Variants in HOXA11 observed in about 807,000 individuals in gnomAD.
The protein encoded by HOXA11 is homeobox protein Hox-A11.
In HOXA11, 8 loss-of-function variants were observed where a neutral mutation model predicts 22.5. The ratio of observed to expected loss-of-function variants is 0.36; its 90% CI spans 0.21 to 0.64. HOXA11 has a LOEUF of 0.64. Ranked by LOEUF, HOXA11 falls within the 30% of genes least tolerant of loss-of-function variation. HOXA11 has a pLI of 0.67. For synonymous variants in HOXA11, 211 were observed against 188.4 expected, an observed-to-expected ratio of 1.12 and a Z score of -0.98; for missense variants, 388 against 429.0, an observed-to-expected ratio of 0.90 and a Z score of 0.84.
rs570858753 is a variant in HOXA11 at position 27,182,198 on chromosome 7, A to T, written c.*598T>A. 4 of 244,702 alleles carry T rather than the reference A, an allele frequency of 1.6e-5. No homozygotes were observed. The East Asian group carries it at 2.3e-4, about 14-fold the overall frequency. The allele number at this position is 244,702 out of a possible 1,614,324, so 15.2% of individuals were successfully genotyped here. A position where few individuals can be genotyped will look rare whatever the true frequency, so the allele number is the denominator to read the frequency against. Reference sequence around the variant, plus strand: ...ATCAGTGTGGTGGGTGGCTAGGAGGAGTGGAAAGACACTGATGCCACCTGG... The same window carrying T: ...ATCAGTGTGGTGGGTGGCTAGGAGGTGTGGAAAGACACTGATGCCACCTGG... On this transcript the variant is annotated 3_prime_UTR_variant, in exon 2 of 2. Transcript: ENST00000006015.
Position 27,182,361 on chromosome 7 carries a change from C to T in HOXA11, c.*435G>A. The T allele has an allele frequency of 3.0e-6, 1 of 331,262 alleles. No individual in the cohort carries two copies. 20.5% of individuals were successfully genotyped at this position (331,262 alleles called of 1,614,324 possible). A position where few individuals can be genotyped will look rare whatever the true frequency, so the allele number is the denominator to read the frequency against. On this transcript the variant is annotated 3_prime_UTR_variant, in exon 2 of 2. Transcript: ENST00000006015. ...CTAGTAATCCTACCCCTTCCTCCTG[C>T]CCCTGTCCCCAAGCTGAACTGGGCT...
chr7:27,182,924 G>T lies in HOXA11; in HGVS notation c.814C>A (p.Leu272Met). 6.2e-7 allele frequency: 1 copy of T among 1,614,048 alleles called. No homozygotes were observed. Among genetic ancestry groups the T allele is most frequent in the Non-Finnish European group, 8.5e-7 (1 of 1,179,904 alleles). ...FSVYINKEKRLQLSRMLNLTD... is the reference protein window; with the variant it reads ...FSVYINKEKRMQLSRMLNLTD... ...AGGTTGAGCATGCGGGACAGTTGCA[G>T]GCGCTTCTCTTTGTTAATGTAGACG... Residue 272 changes from leucine to methionine, a missense_variant, in exon 2 of 2, where the codon CTG becomes ATG. Physicochemically the swap from Leu to Met is conservative, Grantham distance 15. Coordinates refer to ENST00000006015, the MANE Select transcript of HOXA11 (RefSeq NM_005523.6).
Position 27,184,923 on chromosome 7 carries a change from G to A in HOXA11, c.222C>T (p.His74=). 1 of 1,614,036 alleles carries A rather than the reference G, an allele frequency of 6.2e-7. No individual in the cohort carries two copies. The highest frequency in any genetic ancestry group is 1.1e-5 in the South Asian group (1 of 91,086). ...EYAIEPATKW[H]PRGNLAHCYS... The stretch of plus-strand genomic sequence containing the variant: ...AGCAGTGGGCCAGATTGCCGCGGGG[G>A]TGCCATTTAGTGGCGGGCTCAATGG... Residue 74 remains histidine (H), a synonymous_variant, in exon 1 of 2, where the codon CAC becomes CAT. Coordinates refer to ENST00000006015, the MANE Select transcript of HOXA11 (RefSeq NM_005523.6).
chr7:27,183,774 G>A (rs199988296), intron 1 of HOXA11, among the ~76,000 whole-genome samples: 598 of 65,762 alleles, frequency 9.1e-3, no homozygotes, highest in South Asian at 0.013. Context: ...AAAAAAAAAA[G>A]ACCCACAAGA....
chr7:27,183,579 T>G (rs549010852), intron 1 of HOXA11, among the ~76,000 whole-genome samples: 1 of 152,058 alleles, frequency 6.6e-6, no homozygotes, highest in Admixed American at 6.5e-5. Flanking sequence ...GCCTTCCGGC[T>G]CCGCCGAGGT....
At position 27,183,747 on chromosome 7, in the gene HOXA11, T is replaced by TAAAAAAA. The variant is rs61633228; in HGVS notation, c.709+682_709+688dup. Among the ~76,000 whole-genome samples the TAAAAAAA allele has an allele frequency of 5.7e-3, 308 of 53,566 alleles. 12 individuals are homozygous for TAAAAAAA. Among genetic ancestry groups the TAAAAAAA allele is most frequent in the African/African-American group, 8.1e-3 (113 of 13,968 alleles). 35.1% of individuals were successfully genotyped at this position (53,566 alleles called of 152,430 possible). A position where few individuals can be genotyped will look rare whatever the true frequency, so the allele number is the denominator to read the frequency against. On this transcript the variant is annotated intron_variant, in intron 1 of 1. Coordinates refer to ENST00000006015, the MANE Select transcript of HOXA11 (RefSeq NM_005523.6). ...GGGCAGGCTCTACTTGCTCCCCCTT[T>TAAAAAAA]AAAAAAAAAAAAAAAAAAAAAAAAA...
At chr7:27,183,080 AC>A in intron 1 of HOXA11, 52 bp from the exon 2 acceptor site, 1 of 1,237,544 alleles carries the variant, frequency 8.1e-7, no homozygotes, top group Non-Finnish European at 1.2e-6. Flanking sequence ...GCTGCAATCC[AC>A]CCCAGAGCCC....
chr7:27,183,153 G>C lies in HOXA11; in HGVS notation c.710-125C>G, dbSNP rs1583440532. The C allele has an allele frequency of 1.0e-5, 7 of 673,478 alleles. No individual in the cohort carries two copies. In the East Asian group the frequency reaches 1.8e-4, roughly 18 times the overall value. The allele number at this position is 673,478 out of a possible 1,614,324, so 41.7% of individuals were successfully genotyped here. A position where few individuals can be genotyped will look rare whatever the true frequency, so the allele number is the denominator to read the frequency against. Reference sequence around the variant, plus strand: ...TCCAGCCCAAGCCCCGTCAAAGTCTGCCCAGGCCCCTGCCTTTAACGCTCC... The same window carrying C: ...TCCAGCCCAAGCCCCGTCAAAGTCTCCCCAGGCCCCTGCCTTTAACGCTCC... On this transcript the variant is annotated intron_variant, in intron 1 of 1. Coordinates refer to ENST00000006015, the MANE Select transcript of HOXA11 (RefSeq NM_005523.6).
Position 27,184,419 on chromosome 7 carries a change from G to T in HOXA11, c.709+17C>A. ...ACTCCCCTTTCATAAAGCGCAGGGC[G>T]CTGCCTTTATACGTACTGGAGCCGC... is the stretch of plus-strand genomic sequence containing the variant. On this transcript the variant is annotated intron_variant, in intron 1 of 1. Transcript: ENST00000006015. 6.4e-7 allele frequency: 1 copy of T among 1,573,646 alleles called. No homozygotes were observed. Among genetic ancestry groups the T allele is most frequent in the Non-Finnish European group, 8.6e-7 (1 of 1,159,998 alleles).
In HOXA11 at chr7:27,181,428, CA is replaced by C. The variant is rs1334161191; in HGVS notation, c.*1367del. The C allele has an allele frequency of 5.9e-6, 1 of 168,550 alleles. No individual in the cohort carries two copies. The highest frequency in any genetic ancestry group is 3.0e-5 in the African/African-American group (1 of 33,734). 10.4% of individuals were successfully genotyped at this position (168,550 alleles called of 1,614,324 possible). On this transcript the variant is annotated 3_prime_UTR_variant, in exon 2 of 2. Coordinates refer to ENST00000006015, the MANE Select transcript of HOXA11 (RefSeq NM_005523.6). ...TGCAAGAGATTAAAAAGACCATTCT[CA>C]ATACCTTTTCCACCCCCTCCAACAC...
chr7:27,184,879 A>T lies in HOXA11; in HGVS notation c.266T>A (p.Val89Glu). The change falls in exon 1 of 2, where the codon GTG becomes GAG. Residue 89 changes from valine (V) to glutamate (E), a missense_variant. Physicochemically the swap from Val to Glu is moderately radical, Grantham distance 121. Coordinates refer to ENST00000006015, the MANE Select transcript of HOXA11 (RefSeq NM_005523.6). ...LAHCYSAEEL[V>E]HRDCLQAPSA... ...GGGCGCCTGCAGGCAGTCTCTGTGC[A>T]CGAGCTCCTCCGCGGAGTAGCAGTG... 6.2e-7 allele frequency: 1 copy of T among 1,614,016 alleles called. No individual in the cohort carries two copies. The highest frequency in any genetic ancestry group is 8.5e-7 in the Non-Finnish European group (1 of 1,179,982).
At chr7:27,183,807 A>T (rs1293536039) in intron 1 of HOXA11, among the ~76,000 whole-genome samples, 2 of 150,070 alleles carry the variant, frequency 1.3e-5, no homozygotes, top group African/African-American at 2.4e-5. Context: ...CGCTTTTGAC[A>T]GATTGAATAA....
Position 27,181,876 on chromosome 7 carries a change from G to A in HOXA11, c.*920C>T. ...CTCAAGGCCCTCATAGCCAAAGCTG[G>A]GGACCTGCTGGCCAGGCCCACTGCT... On this transcript the variant is annotated 3_prime_UTR_variant, in exon 2 of 2. Transcript: ENST00000006015. 1 of 224,908 alleles carries A rather than the reference G, an allele frequency of 4.4e-6. No homozygotes were observed. Among genetic ancestry groups the A allele is most frequent in the Non-Finnish European group, 8.9e-6 (1 of 112,772 alleles). The allele number at this position is 224,908 out of a possible 1,614,324, so 13.9% of individuals were successfully genotyped here. A position where few individuals can be genotyped will look rare whatever the true frequency, so the allele number is the denominator to read the frequency against.
intron 1 of HOXA11, among the ~76,000 whole-genome samples, chr7:27,184,128 G>A (rs1215155862): frequency 6.6e-6 from 1 of 152,150 alleles, no homozygotes; most frequent in Admixed American, 6.5e-5. Flanking sequence ...GCCCACCTCC[G>A]GCTCCCCAGC....
Position 27,182,906 on chromosome 7 carries a change from G to T in HOXA11, c.832C>A (p.Leu278Ile). The T allele has an allele frequency of 3.1e-6, 5 of 1,613,964 alleles. No individual in the cohort carries two copies. Among genetic ancestry groups the T allele is most frequent in the Non-Finnish European group, 4.2e-6 (5 of 1,179,826 alleles). Residue 278 changes from leucine to isoleucine, a missense_variant, in exon 2 of 2, where the codon CTC becomes ATC. Around this residue, in one of 4 missense-constraint regions of HOXA11, gnomAD observed 55 missense variants for 90.8 expected, o/e 0.61. Coordinates refer to ENST00000006015, the MANE Select transcript of HOXA11 (RefSeq NM_005523.6). ...TTGACTTGACGATCAGTGAGGTTGA[G>T]CATGCGGGACAGTTGCAGGCGCTTC... Reference protein sequence around the residue: ...KEKRLQLSRMLNLTDRQVKIW... With the variant: ...KEKRLQLSRMINLTDRQVKIW...
At position 27,182,890 on chromosome 7, in the gene HOXA11, C is replaced by T. The variant is rs751392924; in HGVS notation, c.848G>A (p.Arg283His). ...GTTCTGAAACCAGATTTTGACTTGACGATCAGTGAGGTTGAGCATGCGGGA... is the reference window on the plus strand; with the variant it reads ...GTTCTGAAACCAGATTTTGACTTGATGATCAGTGAGGTTGAGCATGCGGGA... The part of the protein sequence containing the change: ...QLSRMLNLTD[R>H]QVKIWFQNRR... Residue 283 changes from arginine to histidine, a missense_variant, in exon 2 of 2, where the codon CGT becomes CAT. Arg to His is a conservative substitution (Grantham distance 29). Transcript: ENST00000006015. 1 of 1,614,002 alleles carries T rather than the reference C, an allele frequency of 6.2e-7. No individual in the cohort carries two copies. Among genetic ancestry groups the T allele is most frequent in the African/African-American group, 1.3e-5 (1 of 75,008 alleles).
Position 27,184,541 on chromosome 7 carries a change from C to A in HOXA11, c.604G>T (p.Glu202Ter). The A allele has an allele frequency of 6.7e-7, 1 of 1,500,000 alleles. No homozygotes were observed. The highest frequency in any genetic ancestry group is 8.9e-7 in the Non-Finnish European group (1 of 1,122,110). 92.9% of individuals were successfully genotyped at this position (1,500,000 alleles called of 1,614,324 possible). A position where few individuals can be genotyped will look rare whatever the true frequency, so the allele number is the denominator to read the frequency against. Residue 202 changes from glutamate to a stop codon, truncating the protein, a stop_gained, in exon 1 of 2, where the codon GAG (glutamate) becomes TAG (stop). Coordinates refer to ENST00000006015, the MANE Select transcript of HOXA11 (RefSeq NM_005523.6). LOFTEE classifies it high-confidence loss of function. ...SDSGGGGGCR[E>*]TAAAAEEKER... Reference sequence around the variant, plus strand: ...TTCTCCTCTGCTGCCGCCGCCGTCTCCCGGCAGCCGCCGCCGCCGCCGCTG... The same window carrying A: ...TTCTCCTCTGCTGCCGCCGCCGTCTACCGGCAGCCGCCGCCGCCGCCGCTG...
At chr7:27,183,053 G>C (rs749932187) in intron 1 of HOXA11, 25 bp from the exon 2 acceptor site, 2 of 1,515,042 alleles carry the variant, frequency 1.3e-6, no homozygotes, top group Non-Finnish European at 1.8e-6. Context: ...AAGGCATGGG[G>C]TGAGCCAGGT....
Position 27,181,623 on chromosome 7 carries a change from A to G in HOXA11, c.*1173T>C, listed in dbSNP as rs905297071. On this transcript the variant is annotated 3_prime_UTR_variant, in exon 2 of 2. Transcript: ENST00000006015. ...AGTTTAACCACGGAACACTGTAAAC[A>G]GATAGGGCCTTTAAATATTTTCATC... 8 of 185,712 alleles carry G rather than the reference A, an allele frequency of 4.3e-5. No individual in the cohort carries two copies. The highest frequency in any genetic ancestry group is 1.6e-4 in the African/African-American group (7 of 42,646). The allele number at this position is 185,712 out of a possible 1,614,324, so 11.5% of individuals were successfully genotyped here. A position where few individuals can be genotyped will look rare whatever the true frequency, so the allele number is the denominator to read the frequency against.
Sources: allele counts gnomAD v4.1 joint callset (sites outside exome capture counted in the v4.1 genomes callset), GRCh38; gene constraint gnomAD v4.1.1; regional missense constraint gnomAD v4.1.1; transcripts MANE v1.5; gene names NCBI Gene and HGNC (gene_info 2026-07-23, HGNC 2026-07-21).